Variants in LGR4 observed in about 807,000 individuals in gnomAD.
LGR4 encodes the protein leucine-rich repeat-containing G protein-coupled receptor 4.
In LGR4, 44 loss-of-function variants were observed where a neutral mutation model predicts 84.8. That is an observed-to-expected ratio of 0.52 (90% CI 0.41 to 0.67). The LOEUF (loss-of-function observed/expected upper bound fraction) is 0.67, where lower values mean the gene tolerates loss of function less well. Ranked by LOEUF, LGR4 falls within the 30% of genes least tolerant of loss-of-function variation. The pLI, the probability that LGR4 is intolerant of heterozygous loss-of-function variation, is 0.00. For missense variants in LGR4, 1,032 were observed against 1,131.4 expected (o/e 0.91, Z 1.26); for synonymous variants, 429 against 434.3 (o/e 0.99, Z 0.15).
intron 1 of LGR4, among the ~76,000 whole-genome samples, chr11:27,427,091 A>G (rs946055067): frequency 3.9e-5 from 6 of 152,172 alleles, no homozygotes; most frequent in Admixed American, 3.9e-4. Context: ...GCTTATTAAT[A>G]ATAGTGGTGC....
Position 27,368,768 on chromosome 11 carries a change from T to C in LGR4, c.1955A>G (p.Lys652Arg). 6.2e-7 allele frequency: 1 copy of C among 1,614,036 alleles called. No individual in the cohort carries two copies. The highest frequency in any genetic ancestry group is 2.2e-5 in the East Asian group (1 of 44,880). Residue 652 changes from lysine to arginine, a missense_variant, in exon 18 of 18, where the codon AAA becomes AGA. By Grantham distance (26) the Lys-to-Arg change is conservative. Transcript: ENST00000379214. ...TTTGAGATGATTGCTCTTCCCATTT[T>C]TCATTATATCTTTTGCAGATAAGCT... ...ERSLSAKDIMKNGKSNHLKQF... is the reference protein window; with the variant it reads ...ERSLSAKDIMRNGKSNHLKQF...
intron 1 of LGR4, among the ~76,000 whole-genome samples, chr11:27,463,511 C>T (rs1565101899): frequency 6.6e-6 from 1 of 152,026 alleles, no homozygotes; most frequent in South Asian, 2.1e-4. Context: ...CTTGGCTGGG[C>T]GTGGTGGCTC....
intron 1 of LGR4, among the ~76,000 whole-genome samples, chr11:27,423,163 G>C (rs1863953842): frequency 6.6e-6 from 1 of 152,032 alleles, no homozygotes; most frequent in African/African-American, 2.4e-5. Context: ...AGTCTGAAAG[G>C]GGCCTTCCAA....
intron 2 of LGR4, among the ~76,000 whole-genome samples, chr11:27,409,692 T>C (rs557129566): frequency 3.7e-4 from 56 of 152,130 alleles, no homozygotes; most frequent in Non-Finnish European, 7.4e-4. Context: ...TTTAGTCTTG[T>C]CATAACAAGA....
At chr11:27,445,418 G>T (rs1159840349) in intron 1 of LGR4, among the ~76,000 whole-genome samples, 1 of 152,066 alleles carries the variant, frequency 6.6e-6, no homozygotes, top group Non-Finnish European at 1.5e-5. Context: ...GCTTAAAATG[G>T]AGATAAAGAA....
At chr11:27,421,530 A>C (rs1210637967) in intron 1 of LGR4, among the ~76,000 whole-genome samples, 2 of 152,226 alleles carry the variant, frequency 1.3e-5, no homozygotes, top group Admixed American at 6.5e-5. Context: ...CTTCAAGGGG[A>C]AGCTAACACT....
Position 27,384,359 on chromosome 11 carries a change from A to G in LGR4, c.666T>C (p.Asp222=), listed in dbSNP as rs1312272045. The G allele has an allele frequency of 1.9e-6, 3 of 1,609,602 alleles. No homozygotes were observed. Among genetic ancestry groups the G allele is most frequent in the Non-Finnish European group, 2.5e-6 (3 of 1,176,496 alleles). The change falls in exon 6 of 18, where the codon GAT becomes GAC. Residue 222 remains aspartate (D), a synonymous_variant. Coordinates refer to ENST00000379214, the MANE Select transcript of LGR4 (RefSeq NM_018490.5). ...ACAAGGTCTCCAGGTTATCTAGTCC[A>G]TCAAAACAGTGTTGACTCAGGCTTC... ...KIRSLSQHCF[D]GLDNLETLDL... is the part of the protein sequence containing the mutation.
chr11:27,434,991 A>G (rs1021306804), intron 1 of LGR4, among the ~76,000 whole-genome samples: 3 of 152,160 alleles, frequency 2.0e-5, no homozygotes, highest in African/African-American at 7.2e-5. Flanking sequence ...TCAAACAGGC[A>G]GCTGGAAACC....
At chr11:27,403,491 G>A (rs1863544151) in intron 2 of LGR4, among the ~76,000 whole-genome samples, 1 of 152,050 alleles carries the variant, frequency 6.6e-6, no homozygotes, top group Non-Finnish European at 1.5e-5. Context: ...CCACCACAAA[G>A]CAAGAGACTT....
At chr11:27,416,916 C>A (rs747512087) in intron 1 of LGR4, among the ~76,000 whole-genome samples, 1 of 152,248 alleles carries the variant, frequency 6.6e-6, no homozygotes, top group Non-Finnish European at 1.5e-5. Context: ...TAAAGAATAT[C>A]ATGTTTCAAC....
Position 27,421,665 on chromosome 11 carries a change from C to T in LGR4, c.186-8805G>A, listed in dbSNP as rs561961485. On this transcript the variant is annotated intron_variant, in intron 1 of 17. Transcript: ENST00000379214. ...TAAAAAATAAAACTATTAGATGGTGCCCACCTACAAAGAAAGAAAGAAAAT... is the reference window on the plus strand; with the variant it reads ...TAAAAAATAAAACTATTAGATGGTGTCCACCTACAAAGAAAGAAAGAAAAT... 1.2e-4 allele frequency among the ~76,000 whole-genome samples: 18 copies of T among 152,174 alleles called. No individual in the cohort carries two copies. The East Asian group carries it at 3.3e-3, about 28-fold the overall frequency.
At chr11:27,424,597 G>A (rs932218790) in intron 1 of LGR4, among the ~76,000 whole-genome samples, 7 of 152,170 alleles carry the variant, frequency 4.6e-5, no homozygotes, top group African/African-American at 1.4e-4. Flanking sequence ...ACCATTGCAG[G>A]AGAAACCCCA....
intron 1 of LGR4, among the ~76,000 whole-genome samples, chr11:27,442,763 GA>G (rs1305752654): frequency 1.3e-5 from 2 of 152,190 alleles, no homozygotes. Flanking sequence ...ATGAAGAAGA[GA>G]GGGCCGTAGA....
chr11:27,385,263 G>A lies in LGR4; in HGVS notation c.607C>T (p.Leu203=). Residue 203 remains leucine (L), a synonymous_variant, in exon 5 of 18, where the codon CTG becomes TTG. Transcript: ENST00000379214. The stretch of plus-strand genomic sequence containing the variant: ...GGGATAGATACTTACAGAACTACCA[G>A]GCTTGAAAGGTTGGTAAATGCAAAG... The part of the protein sequence containing the change: ...PDFAFTNLSS[L]VVLHLHNNKI... 6.4e-7 allele frequency: 1 copy of A among 1,571,036 alleles called. No homozygotes were observed. Among genetic ancestry groups the A allele is most frequent in the Non-Finnish European group, 8.7e-7 (1 of 1,154,782 alleles).
chr11:27,458,736 A>C (rs1864621381), intron 1 of LGR4, among the ~76,000 whole-genome samples: 2 of 151,954 alleles, frequency 1.3e-5, no homozygotes, highest in South Asian at 4.1e-4. Flanking sequence ...ACGGGGTTTC[A>C]CCATGTTGGC....
intron 1 of LGR4, among the ~76,000 whole-genome samples, chr11:27,454,871 CAAGG>C (rs1384272166): frequency 6.6e-6 from 1 of 151,918 alleles, no homozygotes; most frequent in Non-Finnish European, 1.5e-5. Flanking sequence ...ACTGGGAAGA[CAAGG>C]AAGAAGCACA....
At chr11:27,380,072 C>T (rs1863061093) in intron 10 of LGR4, among the ~76,000 whole-genome samples, 199 bp downstream of exon 10, 2 of 152,152 alleles carry the variant, frequency 1.3e-5, no homozygotes, top group South Asian at 4.1e-4. Context: ...CCTTTCAGAT[C>T]TTATCCACAT....
chr11:27,388,321 T>C (rs1196987595), intron 4 of LGR4, among the ~76,000 whole-genome samples: 2 of 152,152 alleles, frequency 1.3e-5, no homozygotes, highest in African/African-American at 4.8e-5. Flanking sequence ...TTTGTAACAA[T>C]GATCTATTCT....
intron 1 of LGR4, among the ~76,000 whole-genome samples, chr11:27,424,806 T>C (rs920917133): frequency 1.3e-5 from 2 of 152,140 alleles, no homozygotes; most frequent in African/African-American, 4.8e-5. Flanking sequence ...TGGAGTGCAA[T>C]GGCGCGATCT....
Sources: gnomAD v4.1 joint callset for allele counts (sites outside exome capture counted in the v4.1 genomes callset) on GRCh38, gnomAD v4.1.1 for gene constraint, MANE v1.5 for transcripts, NCBI Gene and HGNC (gene_info 2026-07-23, HGNC 2026-07-21) for gene names.